The following RNF128 variants were observed in gnomAD, a reference collection of about 807,000 sequenced individuals.
RNF128 encodes the protein ring finger protein 128, also known as E3 ubiquitin-protein ligase RNF128.
Under a neutral mutation model 26.2 loss-of-function variants are expected in RNF128, and 13 were observed. That is an observed-to-expected ratio of 0.50 (90% CI 0.32 to 0.79). The LOEUF (loss-of-function observed/expected upper bound fraction) is 0.79, where lower values mean the gene tolerates loss of function less well. Among genes scored for constraint, RNF128 ranks in the 30% least tolerant of loss-of-function variants. RNF128 has a pLI of 0.03. For missense variants in RNF128, 315 were observed against 349.7 expected (o/e 0.90, Z 0.79); for synonymous variants, 149 against 142.5 (o/e 1.05, Z -0.32).
chrX:106,777,715 G>A (rs974169012), intron 2 of RNF128, among the ~76,000 whole-genome samples: 28 of 111,618 alleles, frequency 2.5e-4, no homozygotes, highest in South Asian at 2.3e-3. Context: ...CACACCTGTC[G>A]TACCAGCACT....
rs745561050 is a variant in RNF128 at position 106,750,785 on chromosome X, A to C, written c.485-22128A>C. Among the ~76,000 whole-genome samples, 5 of 111,886 alleles carry C rather than the reference A, an allele frequency of 4.5e-5. No individual in the cohort carries two copies. The South Asian group carries it at 1.9e-3, about 42-fold the overall frequency. On this transcript the variant is annotated intron_variant, in intron 1 of 6. Coordinates refer to ENST00000255499, the MANE Select transcript of RNF128 (RefSeq NM_194463.2). ...AGATGCTGCTAGAAGCAACAACTGA[A>C]GTGAGAACCTTCCTCCCTCAAAGAA...
chrX:106,704,205 A>G (rs143291832), intron 1 of RNF128, among the ~76,000 whole-genome samples: 12,644 of 109,446 alleles, frequency 0.12, 1,832 homozygotes, highest in African/African-American at 0.4. Context: ...GGGGGCCAAG[A>G]AGGGCAGATC....
upstream of RNF128, among the ~76,000 whole-genome samples, chrX:106,724,975 A>G (rs781223135): frequency 3.0e-4 from 34 of 112,589 alleles, no homozygotes; most frequent in African/African-American, 1.1e-3. Context: ...AAAAACATTA[A>G]TAAATGTCTC....
intron 1 of RNF128, among the ~76,000 whole-genome samples, chrX:106,743,597 T>C (rs186661646): frequency 4.9e-4 from 55 of 112,654 alleles, no homozygotes; most frequent in Admixed American, 3.1e-3. Context: ...ACATAGTATT[T>C]AAGAAACTAC....
At chrX:106,731,586 T>C (rs1228804724) in intron 1 of RNF128, among the ~76,000 whole-genome samples, 1 of 111,958 alleles carries the variant, frequency 8.9e-6, no homozygotes, top group African/African-American at 3.2e-5. Flanking sequence ...GCCTTCTTGG[T>C]ACCTCTGCAG....
chrX:106,761,931 G>T (rs766623055), intron 1 of RNF128, among the ~76,000 whole-genome samples: 95 of 107,893 alleles, frequency 8.8e-4, no homozygotes, highest in African/African-American at 3.1e-3. Flanking sequence ...TTTATTTTGG[G>T]CAGACACTGT....
At chrX:106,790,160 A>G (rs1399796731) in intron 4 of RNF128, 26 bp from the exon 5 acceptor site, 3 of 1,015,695 alleles carry the variant, frequency 3.0e-6, no homozygotes, top group Non-Finnish European at 4.1e-6. Flanking sequence ...TTTACAACTG[A>G]TAATTATGTT....
intron 2 of RNF128, among the ~76,000 whole-genome samples, chrX:106,777,727 T>C (rs1213434014): frequency 8.9e-6 from 1 of 111,770 alleles, no homozygotes; most frequent in African/African-American, 3.3e-5. Context: ...ACCAGCACTT[T>C]GGGAGGCCGA....
At chrX:106,773,477 C>T (rs1930412427) in intron 2 of RNF128, among the ~76,000 whole-genome samples, 1 of 111,127 alleles carries the variant, frequency 9.0e-6, no homozygotes, top group Admixed American at 9.6e-5. Flanking sequence ...ACATTTCATA[C>T]TCAATATAGA....
At chrX:106,750,555 A>G (rs186574382) in intron 1 of RNF128, among the ~76,000 whole-genome samples, 1 of 111,774 alleles carries the variant, frequency 8.9e-6, no homozygotes, top group Admixed American at 9.5e-5. Context: ...TCAGAAATCC[A>G]GTGCATAGCC....
chrX:106,734,045 G>T (rs149382752), intron 1 of RNF128, among the ~76,000 whole-genome samples: 2 of 111,693 alleles, frequency 1.8e-5, no homozygotes, highest in African/African-American at 3.2e-5. Flanking sequence ...ATTATTTAAA[G>T]AATTATATAC....
intron 1 of RNF128, among the ~76,000 whole-genome samples, chrX:106,771,130 G>A (rs1930361707): frequency 8.9e-6 from 1 of 112,194 alleles, no homozygotes; most frequent in Admixed American, 9.4e-5. Context: ...TCGTCTCAGA[G>A]GGGCACCCCA....
intron 1 of RNF128, among the ~76,000 whole-genome samples, chrX:106,713,996 A>G (rs1195621507): frequency 9.0e-6 from 1 of 110,703 alleles, no homozygotes; most frequent in African/African-American, 3.3e-5. Flanking sequence ...TAACATGGTG[A>G]AACCCCGTCT....
At chrX:106,781,197 A>G (rs1285080870) in intron 2 of RNF128, among the ~76,000 whole-genome samples, 1 of 112,042 alleles carries the variant, frequency 8.9e-6, no homozygotes, top group East Asian at 2.8e-4. Flanking sequence ...CACATTAATA[A>G]TACAATTACT....
Position 106,713,839 on chromosome X carries a change from A to G in RNF128, c.406+19431A>G, listed in dbSNP as rs1021714443. Reference sequence around the variant, plus strand: ...TTGATTTATTTTGTACCTAGGTTTCATCAAATTTTCAGAGGTAACTCTGAC... The same window carrying G: ...TTGATTTATTTTGTACCTAGGTTTCGTCAAATTTTCAGAGGTAACTCTGAC... On this transcript the variant is annotated intron_variant, in intron 1 of 6. Transcript: ENST00000324342. 7.2e-5 allele frequency among the ~76,000 whole-genome samples: 8 copies of G among 111,301 alleles called. No homozygotes were observed. In the East Asian group the frequency reaches 2.3e-3, roughly 32 times the overall value.
At chrX:106,770,911 T>C (rs1314036261) in intron 1 of RNF128, among the ~76,000 whole-genome samples, 2 of 112,267 alleles carry the variant, frequency 1.8e-5, no homozygotes, top group East Asian at 5.6e-4. Flanking sequence ...TCTTTGATGA[T>C]GGTGACGTAC....
intron 1 of RNF128, among the ~76,000 whole-genome samples, chrX:106,759,889 T>A (rs1238832715): frequency 9.0e-6 from 1 of 111,559 alleles, no homozygotes; most frequent in Non-Finnish European, 1.9e-5. Flanking sequence ...AGGGTGACTG[T>A]AGTCAACAAT....
chrX:106,729,199 C>T (rs933689092), intron 1 of RNF128, among the ~76,000 whole-genome samples: 14 of 111,221 alleles, frequency 1.3e-4, no homozygotes, highest in Non-Finnish European at 2.1e-4. Flanking sequence ...ATATGCCAGG[C>T]ACTCTACATA....
chrX:106,790,114 T>C lies in RNF128; in HGVS notation c.888-72T>C, dbSNP rs1244173948. 11 of 592,737 alleles carry C rather than the reference T, an allele frequency of 1.9e-5. No individual in the cohort carries two copies. The Admixed American group carries it at 2.9e-4, about 16-fold the overall frequency. 48.8% of individuals were successfully genotyped at this position (592,737 alleles called of 1,213,427 possible). On this transcript the variant is annotated intron_variant, in intron 4 of 6. Coordinates refer to ENST00000255499, the MANE Select transcript of RNF128 (RefSeq NM_194463.2). ...AAAGACTAAATAAAGTTACACTAAGTAATCTGTTAATATATATTAGGTAAA... is the reference window on the plus strand; with the variant it reads ...AAAGACTAAATAAAGTTACACTAAGCAATCTGTTAATATATATTAGGTAAA...
Sources: gnomAD v4.1 joint callset for allele counts (sites outside exome capture counted in the v4.1 genomes callset) on GRCh38, gnomAD v4.1.1 for gene constraint, MANE v1.5 for transcripts, NCBI Gene and HGNC (gene_info 2026-07-23, HGNC 2026-07-21) for gene names.